Variants in SORCS1 observed in about 807,000 individuals in gnomAD.
SORCS1 encodes the protein VPS10 domain-containing receptor SorCS1.
SORCS1 carries 60 observed loss-of-function variants against 146.1 expected under a neutral mutation model. The observed-to-expected ratio is 0.41, with a 90% confidence interval of 0.33 to 0.51. The LOEUF is 0.51. Ranked by LOEUF, SORCS1 falls within the 20% of genes least tolerant of loss-of-function variation. The pLI, the probability that SORCS1 is intolerant of heterozygous loss-of-function variation, is 0.21. For synonymous variants in SORCS1, 637 were observed against 584.0 expected (o/e 1.09, Z -1.31); for missense variants, 1,352 against 1,487.6 (o/e 0.91, Z 1.50).
intron 2 of SORCS1, among the ~76,000 whole-genome samples, chr10:106,917,539 G>A (rs1023022986): frequency 6.6e-6 from 1 of 152,164 alleles, no homozygotes; most frequent in Non-Finnish European, 1.5e-5. Context: ...GAGGACAGAT[G>A]ACTCTTTTTC....
intron 23 of SORCS1, among the ~76,000 whole-genome samples, chr10:106,598,067 C>A (rs1393733424): frequency 1.3e-5 from 2 of 151,978 alleles, no homozygotes; most frequent in African/African-American, 4.8e-5. Flanking sequence ...TATTTAACCC[C>A]AAGCACGGGG....
intron 3 of SORCS1, among the ~76,000 whole-genome samples, chr10:106,798,995 G>A (rs1234883702): frequency 6.6e-6 from 1 of 152,182 alleles, no homozygotes; most frequent in Non-Finnish European, 1.5e-5. Flanking sequence ...CAAAGCTACA[G>A]TAACCAAAAC....
intron 2 of SORCS1, among the ~76,000 whole-genome samples, chr10:106,919,818 A>T (rs1220090299): frequency 6.6e-6 from 1 of 152,204 alleles, no homozygotes; most frequent in Non-Finnish European, 1.5e-5. Context: ...GACAATCCTA[A>T]TTTATTCCCA....
intron 18 of SORCS1, among the ~76,000 whole-genome samples, chr10:106,641,128 G>T (rs1170005575): frequency 6.6e-6 from 1 of 152,166 alleles, no homozygotes. Flanking sequence ...AGGAAATGAG[G>T]CAGGTGGTAT....
chr10:106,882,495 T>C (rs1489217695), intron 2 of SORCS1, among the ~76,000 whole-genome samples: 3 of 152,186 alleles, frequency 2.0e-5, no homozygotes, highest in Non-Finnish European at 4.4e-5. Flanking sequence ...CATTAGAGCA[T>C]GGACAATATG....
At chr10:106,623,377 G>A (rs962285343) in intron 19 of SORCS1, among the ~76,000 whole-genome samples, 10 of 151,646 alleles carry the variant, frequency 6.6e-5, no homozygotes, top group African/African-American at 2.4e-4. Flanking sequence ...CGAGTAGCTA[G>A]CTGGGACTAC....
chr10:107,138,500 G>C (rs1198299650), intron 1 of SORCS1, among the ~76,000 whole-genome samples: 1 of 152,066 alleles, frequency 6.6e-6, no homozygotes, highest in African/African-American at 2.4e-5. Flanking sequence ...CTGTGCCCAG[G>C]GTTGATGGTC....
chr10:107,010,835 G>T (rs547701895), intron 1 of SORCS1, among the ~76,000 whole-genome samples: 1 of 152,226 alleles, frequency 6.6e-6, no homozygotes, highest in African/African-American at 2.4e-5. Flanking sequence ...CTTCTTTTCC[G>T]CTATAGTGAA....
chr10:106,802,942 T>C (rs1946984092), intron 3 of SORCS1, among the ~76,000 whole-genome samples: 1 of 152,190 alleles, frequency 6.6e-6, no homozygotes, highest in Non-Finnish European at 1.5e-5. Context: ...GACTTTACAG[T>C]ATTTTTTAAA....
At chr10:106,625,200 C>CTG (rs3044907) in intron 19 of SORCS1, among the ~76,000 whole-genome samples, 21,687 of 139,944 alleles carry the variant, frequency 0.15, 1,736 homozygotes, top group Middle Eastern at 0.21. Context: ...TTGTGTGATT[C>CTG]TGTGTGTGTG....
intron 18 of SORCS1, among the ~76,000 whole-genome samples, chr10:106,645,652 G>A (rs968510256): frequency 6.6e-6 from 1 of 151,872 alleles, no homozygotes; most frequent in African/African-American, 2.4e-5. Context: ...AGTTACCAGT[G>A]TTTCCCTTAT....
chr10:107,064,795 G>T (rs1393347865), intron 1 of SORCS1, among the ~76,000 whole-genome samples: 7 of 152,170 alleles, frequency 4.6e-5, no homozygotes, highest in African/African-American at 1.7e-4. Flanking sequence ...CAGATTAGAA[G>T]AATTAACTAT....
At position 106,983,141 on chromosome 10, in the gene SORCS1, C is replaced by T. The variant is rs912722035; in HGVS notation, c.559-26561G>A. 2.2e-4 allele frequency among the ~76,000 whole-genome samples: 32 copies of T among 147,290 alleles called. 1 individual carries two copies. The highest frequency in any genetic ancestry group is 1.8e-3 in the Admixed American group (27 of 14,666). ...ATATATATTTCTATAAATATATATA[C>T]ATCTCTATATATACACATATTTCTA... is the stretch of plus-strand genomic sequence containing the variant. On this transcript the variant is annotated intron_variant, in intron 1 of 25. Coordinates refer to ENST00000263054, the MANE Select transcript of SORCS1 (RefSeq NM_052918.5).
At chr10:106,731,436 G>C (rs17121307) in intron 5 of SORCS1, among the ~76,000 whole-genome samples, 3,467 of 151,672 alleles carry the variant, frequency 0.023, 91 homozygotes, top group East Asian at 0.11. Context: ...TTGTCTGAAA[G>C]TGCCACACTC....
intron 1 of SORCS1, among the ~76,000 whole-genome samples, chr10:107,048,464 A>C (rs563981216): frequency 3.3e-4 from 51 of 152,346 alleles, no homozygotes; most frequent in Admixed American, 1.6e-3. Context: ...TTAGGGTATA[A>C]ATTCCACCAA....
intron 3 of SORCS1, among the ~76,000 whole-genome samples, chr10:106,805,007 T>G (rs1947091746): frequency 6.6e-6 from 1 of 152,228 alleles, no homozygotes; most frequent in Non-Finnish European, 1.5e-5. Context: ...AAAGTGAATT[T>G]CAAAACCATT....
intron 1 of SORCS1, among the ~76,000 whole-genome samples, chr10:107,093,096 A>G (rs1459473153): frequency 6.6e-6 from 1 of 152,176 alleles, no homozygotes; most frequent in Non-Finnish European, 1.5e-5. Context: ...TCAAGATTCC[A>G]TTGCTAGTAA....
intron 1 of SORCS1, among the ~76,000 whole-genome samples, chr10:106,972,908 T>A (rs975286444): frequency 6.6e-6 from 1 of 152,138 alleles, no homozygotes; most frequent in Non-Finnish European, 1.5e-5. Context: ...GGCTGGGGCT[T>A]GGGTAGTATG....
At chr10:106,844,802 A>G (rs1234506098) in intron 2 of SORCS1, among the ~76,000 whole-genome samples, 2 of 135,966 alleles carry the variant, frequency 1.5e-5, no homozygotes, top group South Asian at 2.5e-4. Flanking sequence ...TCATTGTTCA[A>G]TTCCCACCTA....
Sources: allele counts gnomAD v4.1 joint callset (sites outside exome capture counted in the v4.1 genomes callset), GRCh38; gene constraint gnomAD v4.1.1; transcripts MANE v1.5; gene names NCBI Gene and HGNC (gene_info 2026-07-23, HGNC 2026-07-21).